The following PLXNA4 variants were observed in gnomAD, a reference collection of about 807,000 sequenced individuals.
PLXNA4 encodes the protein plexin A4, also known as plexin-A4.
Under a neutral mutation model 191.8 loss-of-function variants are expected in PLXNA4, and 44 were observed. That is an observed-to-expected ratio of 0.23 (90% CI 0.18 to 0.29). The LOEUF (loss-of-function observed/expected upper bound fraction) is 0.29, where lower values mean the gene tolerates loss of function less well. Among genes scored for constraint, PLXNA4 ranks in the 10% least tolerant of loss-of-function variants. The probability of loss-of-function intolerance (pLI) is 1.00; values close to 1 mark genes in which losing one functional copy is unlikely to be tolerated. For synonymous variants in PLXNA4, 1,082 were observed against 1,009.5 expected, an observed-to-expected ratio of 1.07 and a Z score of -1.36; for missense variants, 1,800 against 2,488.8, an observed-to-expected ratio of 0.72 and a Z score of 5.89.
At chr7:132,561,844 C>CCTCCTCCTCCTTATCCTCCTCTTT (rs1801129853) in intron 1 of PLXNA4, among the ~76,000 whole-genome samples, 2 of 144,488 alleles carry the variant, frequency 1.4e-5, no homozygotes, top group Admixed American at 6.9e-5. Context: ...GCCTCCTTCT[C>CCTCCTCCTCCTTATCCTCCTCTTT]CTCCTCCTCC....
chr7:132,563,863 C>G (rs1441116134), intron 1 of PLXNA4, among the ~76,000 whole-genome samples: 2 of 79,652 alleles, frequency 2.5e-5, no homozygotes, highest in African/African-American at 9.1e-5. Context: ...CCTCCTCCTC[C>G]TCTCCTCTTC....
intron 1 of PLXNA4, among the ~76,000 whole-genome samples, chr7:132,546,560 A>G (rs1350921866): frequency 6.6e-6 from 1 of 152,214 alleles, no homozygotes; most frequent in Admixed American, 6.5e-5. Context: ...GAGACTCAGG[A>G]ACAGAAGGGG....
chr7:132,569,785 A>G (rs2342515), intron 1 of PLXNA4, among the ~76,000 whole-genome samples: 5,807 of 152,270 alleles, frequency 0.038, 260 homozygotes, highest in African/African-American at 0.1. Flanking sequence ...AAGACAAGGG[A>G]CAGGATAGGC....
chr7:132,146,724 C>T lies in PLXNA4; in HGVS notation c.4865-24G>A, dbSNP rs199791751. On this transcript the variant is annotated intron_variant, in intron 27 of 31. Coordinates refer to ENST00000321063, the MANE Select transcript of PLXNA4 (RefSeq NM_020911.2). ...TTCTGCCAAGGCAAGGATCACCCCC[C>T]GACATATGTGAGGCCACACAGCCTT... The T allele has an allele frequency of 9.9e-5, 159 of 1,612,390 alleles. 1 individual carries two copies. Among genetic ancestry groups the T allele is most frequent in the South Asian group, 2.9e-4 (26 of 90,966 alleles).
At chr7:132,242,461 G>T (rs190008633) in intron 4 of PLXNA4, among the ~76,000 whole-genome samples, 58 of 152,224 alleles carry the variant, frequency 3.8e-4, no homozygotes, top group Non-Finnish European at 1.9e-4. Context: ...TGGCACCAGA[G>T]CTTCTCAATT....
chr7:132,512,000 T>C (rs1426172503), intron 1 of PLXNA4, among the ~76,000 whole-genome samples: 1 of 152,170 alleles, frequency 6.6e-6, no homozygotes, highest in Non-Finnish European at 1.5e-5. Context: ...CCCCGGCCTC[T>C]CTTCTGACTT....
At position 132,228,279 on chromosome 7, in the gene PLXNA4, C is replaced by T. The variant is rs1798399698; in HGVS notation, c.1728+67G>A. On this transcript the variant is annotated intron_variant, in intron 6 of 31. Transcript: ENST00000321063. ...CCTCCAGAGGGGCCTTGGGCTAAGG[C>T]ACTTTTTAGTGAGGGGAGAGTTTTC... 23 of 1,602,340 alleles carry T rather than the reference C, an allele frequency of 1.4e-5. No individual in the cohort carries two copies. In the Middle Eastern group the frequency reaches 1.0e-3, roughly 69 times the overall value.
At chr7:132,277,369 T>C (rs1800319232) in intron 4 of PLXNA4, among the ~76,000 whole-genome samples, 1 of 152,202 alleles carries the variant, frequency 6.6e-6, no homozygotes, top group Non-Finnish European at 1.5e-5. Context: ...TATGGGTAGC[T>C]GCACAGTACC....
chr7:132,351,003 A>T (rs1295456516), intron 3 of PLXNA4, among the ~76,000 whole-genome samples: 1 of 152,238 alleles, frequency 6.6e-6, no homozygotes, highest in African/African-American at 2.4e-5. Flanking sequence ...TAAACCTTGA[A>T]AGCATTATGC....
Position 132,209,406 on chromosome 7 carries a change from A to G in PLXNA4, c.2298+1537T>C, listed in dbSNP as rs1368475808. Reference sequence around the variant, plus strand: ...TAGGGAGGGTCTTGTTTTGGAGAGAATGACTTGAGCCAAACCCTTGGGGCT... The same window carrying G: ...TAGGGAGGGTCTTGTTTTGGAGAGAGTGACTTGAGCCAAACCCTTGGGGCT... On this transcript the variant is annotated intron_variant, in intron 10 of 31. Transcript: ENST00000321063. Among the ~76,000 whole-genome samples, 3 of 152,330 alleles carry G rather than the reference A, an allele frequency of 2.0e-5. No individual in the cohort carries two copies. In the East Asian group the frequency reaches 5.8e-4, roughly 29 times the overall value.
chr7:132,398,109 G>A (rs529923995), intron 3 of PLXNA4, among the ~76,000 whole-genome samples: 2 of 152,210 alleles, frequency 1.3e-5, no homozygotes, highest in South Asian at 4.1e-4. Flanking sequence ...AAGCCACGCT[G>A]TGCCTCTAGC....
intron 3 of PLXNA4, among the ~76,000 whole-genome samples, chr7:132,439,415 A>C (rs1795600366): frequency 6.6e-6 from 1 of 152,260 alleles, no homozygotes; most frequent in Admixed American, 6.5e-5. Flanking sequence ...ATACATGTAT[A>C]CACACAGGTA....
intron 3 of PLXNA4, among the ~76,000 whole-genome samples, chr7:132,337,077 G>A (rs191806063): frequency 3.9e-5 from 6 of 152,326 alleles, no homozygotes; most frequent in South Asian, 2.1e-4. Flanking sequence ...ATTTCACCGC[G>A]GTGTAATGTG....
intron 2 of PLXNA4, among the ~76,000 whole-genome samples, chr7:132,584,850 A>C (rs935807221): frequency 6.6e-6 from 1 of 152,172 alleles, no homozygotes; most frequent in South Asian, 2.1e-4. Context: ...AACAAAAAAA[A>C]CTGCTGCTAA....
chr7:132,236,573 T>C (rs1333655304), intron 5 of PLXNA4, among the ~76,000 whole-genome samples: 6 of 152,130 alleles, frequency 3.9e-5, no homozygotes, highest in Non-Finnish European at 7.4e-5. Context: ...AAACTCCCAC[T>C]GTGAATCCAA....
rs755837883 is a variant in PLXNA4, at chr7:132,211,048, C to T, written c.2193G>A (p.Gln731=). The T allele has an allele frequency of 6.2e-7, 1 of 1,613,252 alleles. No homozygotes were observed. Among genetic ancestry groups the T allele is most frequent in the South Asian group, 1.1e-5 (1 of 90,806 alleles). Residue 731 remains glutamine (Q), a synonymous_variant, in exon 10 of 32, where the codon CAG becomes CAA. Transcript: ENST00000321063. Reference sequence around the variant, plus strand: ...TGCATTCGTAGCCACGCTGCCCAGACTGGGGCTGGGGGAGGTTCTTGGCCT... The same window carrying T: ...TGCATTCGTAGCCACGCTGCCCAGATTGGGGCTGGGGGAGGTTCTTGGCCT... ...TLKAKNLPQP[Q]SGQRGYECIL...
chr7:132,265,936 A>G (rs1799835750), intron 4 of PLXNA4, among the ~76,000 whole-genome samples: 2 of 152,200 alleles, frequency 1.3e-5, no homozygotes, highest in Admixed American at 1.3e-4. Context: ...CTATAACATG[A>G]AAAGGGATGG....
chr7:132,165,074 C>A, intron 23 of PLXNA4, 60 bp downstream of exon 23: 1 of 1,585,458 alleles, frequency 6.3e-7, no homozygotes, highest in South Asian at 1.1e-5. Context: ...GAGCGATCCC[C>A]AGTCAGGCTG....
chr7:132,308,307 G>A (rs147954480), intron 3 of PLXNA4, among the ~76,000 whole-genome samples: 39 of 152,246 alleles, frequency 2.6e-4, no homozygotes, highest in African/African-American at 9.4e-4. Context: ...CAGCCACCCC[G>A]TGACCCCAGA....
Sources: allele counts gnomAD v4.1 joint callset (sites outside exome capture counted in the v4.1 genomes callset), GRCh38; gene constraint gnomAD v4.1.1; transcripts MANE v1.5; gene names NCBI Gene and HGNC (gene_info 2026-07-23, HGNC 2026-07-21).